CFTR: variants seen among roughly 807,000 people sequenced by gnomAD.
The protein encoded by CFTR is CF transmembrane conductance regulator.
In CFTR, 181 loss-of-function variants were observed where a neutral mutation model predicts 171.6. That is an observed-to-expected ratio of 1.05 (90% confidence interval 0.93 to 1.19). The LOEUF (loss-of-function observed/expected upper bound fraction) is 1.19. Ranked by LOEUF, CFTR falls within the 50% of genes most tolerant of loss-of-function variation. CFTR has a pLI of 0.00. For synonymous variants in CFTR, 583 were observed against 608.0 expected, an observed-to-expected ratio of 0.96 and a Z score of 0.60; for missense variants, 1,968 against 1,734.7, an observed-to-expected ratio of 1.13 and a Z score of -2.39.
At chr7:117,482,645 A>G (rs1165093376) in intron 1 of CFTR, among the ~76,000 whole-genome samples, 2 of 152,216 alleles carry the variant, frequency 1.3e-5, no homozygotes, top group Non-Finnish European at 2.9e-5. Flanking sequence ...CATATAATTT[A>G]TAATTCATAT....
intron 22 of CFTR, among the ~76,000 whole-genome samples, chr7:117,635,125 A>T (rs957571497): frequency 6.6e-6 from 1 of 152,036 alleles, no homozygotes; most frequent in Non-Finnish European, 1.5e-5. Context: ...ATGTCTTTTG[A>T]TGCTTTGTTG....
At chr7:117,661,632 T>G (rs759869047) in intron 24 of CFTR, among the ~76,000 whole-genome samples, 1 of 152,084 alleles carries the variant, frequency 6.6e-6, no homozygotes, top group Non-Finnish European at 1.5e-5. Flanking sequence ...TGAAGGAAAA[T>G]TTTTACAAAG....
At position 117,535,422 on chromosome 7, in the gene CFTR, A is replaced by G; in HGVS notation, c.743+11A>G. The G allele has an allele frequency of 3.1e-6, 5 of 1,613,184 alleles. No individual in the cohort carries two copies. Among genetic ancestry groups the G allele is most frequent in the Non-Finnish European group, 4.2e-6 (5 of 1,179,544 alleles). On this transcript the variant is annotated intron_variant, in intron 6 of 26. Coordinates refer to ENST00000003084, the MANE Select transcript of CFTR (RefSeq NM_000492.4). Reference sequence around the variant, plus strand: ...GATGATGAAGTACAGGTAGCAACCTATTTTCATAACTTGAAAGTTTTAAAA... The same window carrying G: ...GATGATGAAGTACAGGTAGCAACCTGTTTTCATAACTTGAAAGTTTTAAAA...
intron 22 of CFTR, among the ~76,000 whole-genome samples, chr7:117,638,168 C>T (rs1019411198): frequency 6.6e-6 from 1 of 152,160 alleles, no homozygotes; most frequent in Non-Finnish European, 1.5e-5. Context: ...ACCTAACTGC[C>T]TGTCTCCCAT....
chr7:117,535,081 A>G (rs1225753405), intron 5 of CFTR, among the ~76,000 whole-genome samples, 167 bp from the exon 6 acceptor site: 1 of 152,218 alleles, frequency 6.6e-6, no homozygotes, highest in Non-Finnish European at 1.5e-5. Context: ...GTTTAAGCAC[A>G]TTGCTATGTG....
chr7:117,570,204 A>C (rs574555212), intron 11 of CFTR, among the ~76,000 whole-genome samples: 36 of 151,954 alleles, frequency 2.4e-4, no homozygotes, highest in East Asian at 7.7e-4. Flanking sequence ...AAAAAAAAAA[A>C]AAACAAACAA....
intron 9 of CFTR, 80 bp from the exon 10 acceptor site, chr7:117,548,561 C>T (rs1584793273): frequency 6.4e-7 from 1 of 1,554,678 alleles, no homozygotes. Flanking sequence ...GTACATAAAA[C>T]AAGCATCTAT....
chr7:117,619,223 A>C (rs1489460127), intron 21 of CFTR, among the ~76,000 whole-genome samples: 2 of 152,220 alleles, frequency 1.3e-5, no homozygotes, highest in African/African-American at 4.8e-5. Context: ...ATTTTTAGTA[A>C]CATAAGTCTT....
intron 3 of CFTR, among the ~76,000 whole-genome samples, chr7:117,515,954 CTGT>C (rs2116650246): frequency 6.6e-6 from 1 of 152,174 alleles, no homozygotes; most frequent in African/African-American, 2.4e-5. Flanking sequence ...TCTCTGCTGC[CTGT>C]TGTTGGTGTA....
intron 20 of CFTR, 92 bp from the exon 21 acceptor site, chr7:117,614,521 T>C (rs1792453550): frequency 1.2e-6 from 1 of 815,854 alleles, no homozygotes; most frequent in Non-Finnish European, 2.2e-6. Context: ...GTAAATTTAA[T>C]GTGATATGTG....
chr7:117,532,576 C>T (rs1024183619), intron 4 of CFTR, among the ~76,000 whole-genome samples: 13 of 152,158 alleles, frequency 8.5e-5, no homozygotes, highest in Non-Finnish European at 1.3e-4. Flanking sequence ...GACTGTAATG[C>T]GGGAAGAGAC....
chr7:117,657,351 A>T (rs1203467846), intron 24 of CFTR, among the ~76,000 whole-genome samples: 4 of 152,178 alleles, frequency 2.6e-5, no homozygotes, highest in Non-Finnish European at 5.9e-5. Flanking sequence ...CACAAAGATG[A>T]TGATGTTAGT....
chr7:117,601,657 C>T (rs1792226635), intron 15 of CFTR, among the ~76,000 whole-genome samples: 1 of 152,092 alleles, frequency 6.6e-6, no homozygotes. Context: ...GTTTTACTCA[C>T]AACTGTTTGT....
chr7:117,588,933 G>A (rs993356328), intron 12 of CFTR, among the ~76,000 whole-genome samples: 1 of 152,056 alleles, frequency 6.6e-6, no homozygotes, highest in Non-Finnish European at 1.5e-5. Context: ...TAAATAAATG[G>A]AAGTTGATTG....
chr7:117,546,238 C>T (rs1394635704), intron 9 of CFTR, among the ~76,000 whole-genome samples: 8 of 151,924 alleles, frequency 5.3e-5, no homozygotes, highest in Non-Finnish European at 7.4e-5. Flanking sequence ...GTGATCCACT[C>T]GCCTCGGCCT....
At chr7:117,662,644 A>G (rs1251966032) in intron 24 of CFTR, among the ~76,000 whole-genome samples, 1 of 152,178 alleles carries the variant, frequency 6.6e-6, no homozygotes, top group Non-Finnish European at 1.5e-5. Context: ...GATATGGTCA[A>G]ACCTACATCT....
intron 24 of CFTR, among the ~76,000 whole-genome samples, chr7:117,653,578 ATC>A (rs1487085257): frequency 6.6e-6 from 1 of 151,730 alleles, no homozygotes; most frequent in Non-Finnish European, 1.5e-5. Context: ...TTCTAATACT[ATC>A]ACCTTGGGGG....
chr7:117,530,785 T>C, intron 3 of CFTR, 114 bp from the exon 4 acceptor site: 2 of 733,304 alleles, frequency 2.7e-6, no homozygotes, highest in Non-Finnish European at 4.8e-6. Flanking sequence ...TATGACCCTC[T>C]ATATAAACTC....
intron 24 of CFTR, among the ~76,000 whole-genome samples, chr7:117,658,081 AG>A (rs1416761314): frequency 5.3e-5 from 8 of 152,302 alleles, no homozygotes; most frequent in Admixed American, 5.2e-4. Context: ...AGCAAGTCCA[AG>A]GGAAGGGAAG....
Sources: gnomAD v4.1 joint callset for allele counts (sites outside exome capture counted in the v4.1 genomes callset) on GRCh38, gnomAD v4.1.1 for gene constraint, MANE v1.5 for transcripts, NCBI Gene and HGNC (gene_info 2026-07-23, HGNC 2026-07-21) for gene names.